The following KPNA2 variants were observed in gnomAD, a reference collection of about 807,000 sequenced individuals.
KPNA2 encodes the protein importin subunit alpha-1.
A neutral mutation model predicts 53.7 loss-of-function variants in KPNA2; 20 were observed. That is an observed-to-expected ratio of 0.37 (90% CI 0.26 to 0.54). The LOEUF is 0.54. Ranked by LOEUF, KPNA2 falls within the 20% of genes least tolerant of loss-of-function variation. KPNA2 has a pLI of 0.83. For missense variants in KPNA2, 515 were observed against 640.3 expected (o/e 0.80, Z 2.11); for synonymous variants, 238 against 227.5 (o/e 1.05, Z -0.42).
chr17:68,042,795 C>G, intron 5 of KPNA2, 110 bp from the exon 6 acceptor site: 1 of 791,160 alleles, frequency 1.3e-6, no homozygotes, highest in Non-Finnish European at 2.1e-6. Flanking sequence ...ACCCAGGAGG[C>G]GGAGCTTGCA....
intron 4 of KPNA2, among the ~76,000 whole-genome samples, 176 bp downstream of exon 4, chr17:68,040,942 A>G (rs1337813341): frequency 6.6e-6 from 1 of 152,142 alleles, no homozygotes; most frequent in African/African-American, 2.4e-5. Context: ...AGGCCTTGCT[A>G]TTTTGCCCAG....
intron 3 of KPNA2, among the ~76,000 whole-genome samples, chr17:68,039,901 C>T (rs1182379456): frequency 4.7e-5 from 7 of 149,744 alleles, no homozygotes; most frequent in African/African-American, 1.2e-4. Context: ...GGAGAAACCC[C>T]GTCTCTACTA....
intron 10 of KPNA2, 141 bp from the exon 11 acceptor site, chr17:68,046,363 C>T (rs1723047418): frequency 1.8e-6 from 1 of 544,796 alleles, no homozygotes; most frequent in Non-Finnish European, 3.2e-6. Flanking sequence ...CCTCCCTCCT[C>T]TATGTCAAAT....
Position 68,037,169 on chromosome 17 carries a change from C to G in KPNA2, c.37C>G (p.Arg13Gly). Residue 13 changes from arginine (R) to glycine (G), a missense_variant, in exon 2 of 11, where the codon CGT becomes GGT. By Grantham distance (125) the Arg-to-Gly change is moderately radical. Transcript: ENST00000330459. The stretch of plus-strand genomic sequence containing the variant: ...CGAGAATGCTAATACACCAGCTGCC[C>G]GTCTTCACAGATTCAAGAACAAGGG... ...TNENANTPAA[R>G]LHRFKNKGKD... 6.2e-7 allele frequency: 1 copy of G among 1,613,362 alleles called. No individual in the cohort carries two copies. Among genetic ancestry groups the G allele is most frequent in the Non-Finnish European group, 8.5e-7 (1 of 1,179,734 alleles).
Position 68,043,163 on chromosome 17 carries a change from C to T in KPNA2, c.730C>T (p.Pro244Ser), listed in dbSNP as rs146139322. 1.2e-6 allele frequency: 2 copies of T among 1,614,094 alleles called. No individual in the cohort carries two copies. The highest frequency in any genetic ancestry group is 1.1e-5 in the South Asian group (1 of 91,080). ...TCTTTGCCGCAACAAGAATCCTGCACCCCCGATAGATGCTGTTGAGCAGAT... is the reference window on the plus strand; with the variant it reads ...TCTTTGCCGCAACAAGAATCCTGCATCCCCGATAGATGCTGTTGAGCAGAT... ...SNLCRNKNPA[P>S]PIDAVEQILP... The change falls in exon 7 of 11, where the codon CCC becomes TCC. Residue 244 changes from proline (P) to serine (S), a missense_variant. Physicochemically the swap from Pro to Ser is moderately conservative, Grantham distance 74. Coordinates refer to ENST00000330459, the MANE Select transcript of KPNA2 (RefSeq NM_002266.4).
In KPNA2 at chr17:68,043,355, C is replaced by G; in HGVS notation, c.922C>G (p.Pro308Ala). Residue 308 changes from proline to alanine, a missense_variant, in exon 7 of 11, where the codon CCA becomes GCA. By Grantham distance (27) the Pro-to-Ala change is conservative. Coordinates refer to ENST00000330459, the MANE Select transcript of KPNA2 (RefSeq NM_002266.4). ...GAAGCTTCTAGGAGCTTCTGAATTG[C>G]CAATTGTGGTAAGTTATTTACTTGT... ...LVKLLGASEL[P>A]IVTPALRAIG... The G allele has an allele frequency of 6.2e-7, 1 of 1,613,816 alleles. No homozygotes were observed. Among genetic ancestry groups the G allele is most frequent in the Non-Finnish European group, 8.5e-7 (1 of 1,179,910 alleles).
At chr17:68,039,029 T>C (rs2071222246) in intron 3 of KPNA2, among the ~76,000 whole-genome samples, 1 of 152,174 alleles carries the variant, frequency 6.6e-6, no homozygotes, top group Admixed American at 6.6e-5. Context: ...ATCCCTACTC[T>C]ATGAAGGCCT....
chr17:68,036,758 A>G (rs1555703796), intron 1 of KPNA2, among the ~76,000 whole-genome samples: 1 of 152,268 alleles, frequency 6.6e-6, no homozygotes, highest in African/African-American at 2.4e-5. Flanking sequence ...TATTGATAAC[A>G]CGTTGAAATA....
At chr17:68,042,505 A>G in intron 5 of KPNA2, 152 bp downstream of exon 5, 1 of 845,902 alleles carries the variant, frequency 1.2e-6, no homozygotes, top group Admixed American at 2.3e-5. Flanking sequence ...CAAAGGCAGC[A>G]GAGGGCCATC....
intron 3 of KPNA2, among the ~76,000 whole-genome samples, chr17:68,039,830 T>A (rs768330963): frequency 1.3e-5 from 2 of 149,954 alleles, no homozygotes; most frequent in African/African-American, 2.5e-5. Context: ...TCCAGCACTT[T>A]GGGAGGCTGA....
At chr17:68,040,559 AT>A (rs1477184381) in intron 3 of KPNA2, 118 bp from the exon 4 acceptor site, 1 of 659,254 alleles carries the variant, frequency 1.5e-6, no homozygotes, top group African/African-American at 1.8e-5. Flanking sequence ...GTAGGGCTAA[AT>A]ATTTAGTAGC....
chr17:68,039,244 C>G (rs1375570570), intron 3 of KPNA2, among the ~76,000 whole-genome samples: 1 of 151,750 alleles, frequency 6.6e-6, no homozygotes, highest in African/African-American at 2.4e-5. Flanking sequence ...CCTCAGCCTC[C>G]CAAGTAGCTG....
intron 3 of KPNA2, among the ~76,000 whole-genome samples, chr17:68,038,129 C>G (rs529840060): frequency 1.3e-5 from 2 of 152,106 alleles, no homozygotes; most frequent in Non-Finnish European, 2.9e-5. Flanking sequence ...GGCGCCCGCA[C>G]CCTGTCTGGC....
Position 68,042,198 on chromosome 17 carries a change from A to C in KPNA2, c.416A>C (p.Glu139Ala). ...ACTGATTGTAGTCCCATTCAGTTTG[A>C]ATCTGCTTGGGCACTCACTAACATT... is the stretch of plus-strand genomic sequence containing the variant. ...GRTDCSPIQF[E>A]SAWALTNIAS... The change falls in exon 5 of 11, where the codon GAA becomes GCA. Residue 139 changes from glutamate to alanine, a missense_variant. Coordinates refer to ENST00000330459, the MANE Select transcript of KPNA2 (RefSeq NM_002266.4). The C allele has an allele frequency of 6.2e-7, 1 of 1,614,008 alleles. No individual in the cohort carries two copies. The highest frequency in any genetic ancestry group is 1.1e-5 in the South Asian group (1 of 91,068).
chr17:68,037,819 G>A (rs2071208298), intron 3 of KPNA2, among the ~76,000 whole-genome samples: 1 of 147,938 alleles, frequency 6.8e-6, no homozygotes, highest in Admixed American at 6.8e-5. Flanking sequence ...TTTTTCCCCC[G>A]AGATGGAGTC....
At chr17:68,038,703 G>GA (rs2071219131) in intron 3 of KPNA2, among the ~76,000 whole-genome samples, 1 of 151,766 alleles carries the variant, frequency 6.6e-6, no homozygotes, top group African/African-American at 2.4e-5. Context: ...CCGTCTCAAG[G>GA]AAAAAAATAA....
chr17:68,040,232 C>T lies in KPNA2; in HGVS notation c.214-446C>T, dbSNP rs143120458. On this transcript the variant is annotated intron_variant, in intron 3 of 10. Transcript: ENST00000330459. ...ATTTTTGAGACAAGGTCTTGTATGG[C>T]GACAGGCAAACACCACCATGCCTGG... 1.9e-3 allele frequency among the ~76,000 whole-genome samples: 282 copies of T among 150,582 alleles called. 1 individual carries two copies. The highest frequency in any genetic ancestry group is 6.5e-3 in the African/African-American group (266 of 40,872).
chr17:68,036,295 G>A (rs145179523), intron 1 of KPNA2: 2 of 152,404 alleles, frequency 1.3e-5, no homozygotes, highest in Non-Finnish European at 2.9e-5. Flanking sequence ...CAAATTGTAA[G>A]GAGGGCTTTG....
At chr17:68,044,693 T>C (rs1306010971) in intron 9 of KPNA2, among the ~76,000 whole-genome samples, 190 bp downstream of exon 9, 1 of 152,146 alleles carries the variant, frequency 6.6e-6, no homozygotes, top group African/African-American at 2.4e-5. Flanking sequence ...AGACGACAAG[T>C]GGATGGTGTG....
Sources: allele counts gnomAD v4.1 joint callset (sites outside exome capture counted in the v4.1 genomes callset), GRCh38; gene constraint gnomAD v4.1.1; transcripts MANE v1.5; gene names NCBI Gene and HGNC (gene_info 2026-07-23, HGNC 2026-07-21).